GPC5: variants seen among roughly 807,000 people sequenced by gnomAD.
GPC5 encodes the protein glypican 5.
In GPC5, 47 loss-of-function variants were observed where a neutral mutation model predicts 53.9. The observed-to-expected ratio is 0.87, with a 90% CI of 0.69 to 1.11. The LOEUF (loss-of-function observed/expected upper bound fraction) is 1.11, where lower values mean the gene tolerates loss of function less well. Ranked by LOEUF, GPC5 falls within the 50% of genes most tolerant of loss-of-function variation. GPC5 has a pLI of 0.00. For missense variants in GPC5, 748 were observed against 713.1 expected (o/e 1.05, Z -0.56); for synonymous variants, 286 against 263.3 (o/e 1.09, Z -0.84).
intron 2 of GPC5, among the ~76,000 whole-genome samples, chr13:91,676,362 C>T (rs1006884954): frequency 1.3e-5 from 2 of 152,128 alleles, no homozygotes; most frequent in Non-Finnish European, 2.9e-5. Context: ...CGAGCCACCG[C>T]ACCCGGCCAC....
At chr13:91,970,618 A>G (rs2040232602) in intron 6 of GPC5, among the ~76,000 whole-genome samples, 1 of 152,196 alleles carries the variant, frequency 6.6e-6, no homozygotes, top group African/African-American at 2.4e-5. Flanking sequence ...AGGAGTAATA[A>G]AAGCAAAAAA....
intron 7 of GPC5, among the ~76,000 whole-genome samples, chr13:92,618,933 A>G (rs576635750): frequency 1.1e-4 from 17 of 152,082 alleles, no homozygotes; most frequent in Admixed American, 8.5e-4. Flanking sequence ...AACTTTCTAT[A>G]TTGACTCACA....
intron 5 of GPC5, among the ~76,000 whole-genome samples, chr13:91,792,677 G>A (rs2037985466): frequency 6.6e-6 from 1 of 152,148 alleles, no homozygotes; most frequent in Non-Finnish European, 1.5e-5. Flanking sequence ...CTATTCCACT[G>A]TTAGGTTAGG....
At chr13:91,756,502 C>A in intron 5 of GPC5, 82 bp downstream of exon 5, 1 of 1,224,170 alleles carries the variant, frequency 8.2e-7, no homozygotes, top group Non-Finnish European at 1.1e-6. Context: ...TTAATTCAGT[C>A]TTAACTTTGT....
intron 7 of GPC5, among the ~76,000 whole-genome samples, chr13:92,477,993 C>G (rs1879217153): frequency 6.6e-6 from 1 of 152,086 alleles, no homozygotes; most frequent in Admixed American, 6.6e-5. Flanking sequence ...TTGTACTTCT[C>G]TTAAATATTT....
intron 6 of GPC5, among the ~76,000 whole-genome samples, chr13:91,925,432 ATCCT>A (rs2039757532): frequency 6.6e-6 from 1 of 152,158 alleles, no homozygotes; most frequent in African/African-American, 2.4e-5. Flanking sequence ...TCATTCACTC[ATCCT>A]TCCATTAATT....
intron 6 of GPC5, among the ~76,000 whole-genome samples, chr13:92,107,552 T>C (rs1299139690): frequency 2.6e-5 from 4 of 152,134 alleles, no homozygotes. Context: ...TTCCTTGAGT[T>C]TCTTTAGTCT....
chr13:92,135,312 G>A (rs1023040424), intron 6 of GPC5, among the ~76,000 whole-genome samples: 4 of 152,072 alleles, frequency 2.6e-5, no homozygotes, highest in Admixed American at 6.6e-5. Flanking sequence ...AACATTTGGC[G>A]TGTACTCTTC....
intron 7 of GPC5, among the ~76,000 whole-genome samples, chr13:92,152,629 C>T (rs934911234): frequency 4.6e-5 from 7 of 151,726 alleles, no homozygotes; most frequent in African/African-American, 1.7e-4. Context: ...GCCCCAGCTA[C>T]TCAGGAGACT....
chr13:92,243,405 A>T (rs904875499), intron 7 of GPC5, among the ~76,000 whole-genome samples: 1 of 152,206 alleles, frequency 6.6e-6, no homozygotes, highest in African/African-American at 2.4e-5. Context: ...GAGAAGTCAG[A>T]GTAGAAATAA....
chr13:92,858,064 C>T (rs764400777), intron 7 of GPC5, among the ~76,000 whole-genome samples: 2 of 152,160 alleles, frequency 1.3e-5, no homozygotes, highest in Non-Finnish European at 2.9e-5. Context: ...CTAGAACCAA[C>T]TTAGGTGCCC....
chr13:92,234,851 GA>G (rs904512675), intron 7 of GPC5, among the ~76,000 whole-genome samples: 2 of 152,126 alleles, frequency 1.3e-5, no homozygotes, highest in African/African-American at 4.8e-5. Context: ...CCTTCAGCCT[GA>G]AGTAATTGAT....
chr13:91,462,959 A>G (rs1882026728), intron 2 of GPC5, among the ~76,000 whole-genome samples: 1 of 152,084 alleles, frequency 6.6e-6, no homozygotes, highest in Non-Finnish European at 1.5e-5. Flanking sequence ...TATATTAAAG[A>G]ATATATTTAA....
chr13:92,657,387 T>C (rs1460405411), intron 7 of GPC5, among the ~76,000 whole-genome samples: 2 of 152,146 alleles, frequency 1.3e-5, no homozygotes, highest in Admixed American at 6.5e-5. Context: ...TCTAAAGTCT[T>C]TTCATGCTAA....
At chr13:91,811,182 C>T (rs977503036) in intron 5 of GPC5, among the ~76,000 whole-genome samples, 2 of 151,862 alleles carry the variant, frequency 1.3e-5, no homozygotes, top group Non-Finnish European at 2.9e-5. Flanking sequence ...CTTTGAGTGC[C>T]TTGACCCTTA....
intron 6 of GPC5, among the ~76,000 whole-genome samples, chr13:92,122,025 A>T (rs575697939): frequency 9.8e-5 from 15 of 152,344 alleles, no homozygotes; most frequent in African/African-American, 3.1e-4. Context: ...GACAAATCAC[A>T]CATCTACAGA....
At position 91,691,974 on chromosome 13, in the gene GPC5, G is replaced by A. The variant is rs150314497; in HGVS notation, c.326-1213G>A. ...TGAAACAGTCCAGTATCCTTATTTA[G>A]GCTAATTATGAAATGTAATTACTAA... On this transcript the variant is annotated intron_variant, in intron 2 of 7. Coordinates refer to ENST00000377067, the MANE Select transcript of GPC5 (RefSeq NM_004466.6). Among the ~76,000 whole-genome samples, 300 of 152,078 alleles carry A rather than the reference G, an allele frequency of 2.0e-3. 2 individuals carry two copies. Among genetic ancestry groups the A allele is most frequent in the African/African-American group, 6.8e-3 (282 of 41,490 alleles).
intron 7 of GPC5, among the ~76,000 whole-genome samples, chr13:92,848,122 C>G (rs1049704038): frequency 6.6e-6 from 1 of 152,160 alleles, no homozygotes; most frequent in East Asian, 1.9e-4. Flanking sequence ...TGTCAACTCA[C>G]TTTGCCTGCA....
intron 2 of GPC5, among the ~76,000 whole-genome samples, chr13:91,599,933 C>A (rs1389585702): frequency 6.6e-6 from 1 of 152,098 alleles, no homozygotes; most frequent in Non-Finnish European, 1.5e-5. Context: ...AAGAGCTCAG[C>A]TTTTTTGAAA....
Sources: gnomAD v4.1 joint callset for allele counts (sites outside exome capture counted in the v4.1 genomes callset) on GRCh38, gnomAD v4.1.1 for gene constraint, MANE v1.5 for transcripts, NCBI Gene and HGNC (gene_info 2026-07-23, HGNC 2026-07-21) for gene names.